The following ARHGAP20 variants were observed in gnomAD, a reference collection of about 807,000 sequenced individuals.
ARHGAP20 encodes the protein rho GTPase-activating protein 20.
Under a neutral mutation model 73.7 loss-of-function variants are expected in ARHGAP20, and 34 were observed. The ratio of observed to expected loss-of-function variants is 0.46; its 90% CI spans 0.35 to 0.61. The LOEUF (loss-of-function observed/expected upper bound fraction) is 0.61, where lower values mean the gene tolerates loss of function less well. Among genes scored for constraint, ARHGAP20 ranks in the 20% least tolerant of loss-of-function variants. ARHGAP20 has a pLI of 0.00. For missense variants in ARHGAP20, 1,314 were observed against 1,420.9 expected, an observed-to-expected ratio of 0.92 and a Z score of 1.21; for synonymous variants, 523 against 518.2, an observed-to-expected ratio of 1.01 and a Z score of -0.13.
chr11:110,616,486 G>A (rs1168769936), intron 4 of ARHGAP20, among the ~76,000 whole-genome samples: 1 of 152,072 alleles, frequency 6.6e-6, no homozygotes, highest in African/African-American at 2.4e-5. Flanking sequence ...TGATCACGCT[G>A]GCTCAGCCTT....
chr11:110,696,471 A>AT (rs80242488), intron 1 of ARHGAP20, among the ~76,000 whole-genome samples: 22,591 of 151,184 alleles, frequency 0.15, 1,786 homozygotes, highest in South Asian at 0.29. Flanking sequence ...TTTTTATCCC[A>AT]TTTTTTTTGG....
chr11:110,632,104 G>C (rs1948871372), intron 2 of ARHGAP20, among the ~76,000 whole-genome samples: 1 of 152,120 alleles, frequency 6.6e-6, no homozygotes, highest in African/African-American at 2.4e-5. Flanking sequence ...TACTTGGGCT[G>C]TTTCCAGTTT....
At chr11:110,661,624 TCC>T (rs972035384) in intron 2 of ARHGAP20, among the ~76,000 whole-genome samples, 3 of 152,154 alleles carry the variant, frequency 2.0e-5, no homozygotes, top group African/African-American at 7.2e-5. Flanking sequence ...ATCATGAATT[TCC>T]TGTTTTCATA....
chr11:110,617,265 CTTTTT>C (rs796278739), intron 4 of ARHGAP20, among the ~76,000 whole-genome samples: 1 of 143,638 alleles, frequency 7.0e-6, no homozygotes, highest in Non-Finnish European at 1.5e-5. Flanking sequence ...CTTTTTCTTT[CTTTTT>C]TTTTTTGAGA....
At chr11:110,632,184 CT>C (rs1320757580) in intron 2 of ARHGAP20, among the ~76,000 whole-genome samples, 1 of 152,044 alleles carries the variant, frequency 6.6e-6, no homozygotes, top group Non-Finnish European at 1.5e-5. Flanking sequence ...TTTCATTTCT[CT>C]TGGGTAAATA....
intron 2 of ARHGAP20, among the ~76,000 whole-genome samples, chr11:110,664,256 G>A (rs1949673634): frequency 6.6e-6 from 1 of 152,156 alleles, no homozygotes; most frequent in Admixed American, 6.5e-5. Context: ...GTTCACAGAT[G>A]ACATGGTAGT....
At chr11:110,701,353 T>C in intron 1 of ARHGAP20, among the ~76,000 whole-genome samples, 1 of 152,002 alleles carries the variant, frequency 6.6e-6, no homozygotes, top group East Asian at 1.9e-4. Flanking sequence ...TGAGCATTTT[T>C]TCATGTGTTT....
At chr11:110,619,492 T>TA (rs1948574277) in intron 4 of ARHGAP20, among the ~76,000 whole-genome samples, 1 of 151,670 alleles carries the variant, frequency 6.6e-6, no homozygotes, top group South Asian at 2.1e-4. Flanking sequence ...TATGCAGTGA[T>TA]AGAGTATATG....
chr11:110,636,457 A>G (rs1948970030), intron 2 of ARHGAP20, among the ~76,000 whole-genome samples: 1 of 152,156 alleles, frequency 6.6e-6, no homozygotes, highest in Non-Finnish European at 1.5e-5. Flanking sequence ...TACATTTTAA[A>G]GCAATTCCAA....
At chr11:110,651,448 T>A (rs1258300239) in intron 2 of ARHGAP20, among the ~76,000 whole-genome samples, 4 of 151,794 alleles carry the variant, frequency 2.6e-5, no homozygotes, top group Non-Finnish European at 1.5e-5. Flanking sequence ...TGTTTTTTTT[T>A]AAATTTAATG....
intron 13 of ARHGAP20, 149 bp from the exon 14 acceptor site, chr11:110,582,584 T>TA: frequency 3.4e-6 from 2 of 585,596 alleles, no homozygotes; most frequent in Admixed American, 3.2e-5. Context: ...ACAGTTTCCC[T>TA]AAAAAACTAT....
intron 9 of ARHGAP20, among the ~76,000 whole-genome samples, chr11:110,603,642 T>C (rs1045837111): frequency 6.6e-5 from 10 of 152,166 alleles, no homozygotes; most frequent in Admixed American, 6.5e-5. Context: ...AAAGGCGATT[T>C]CCATATCTCA....
chr11:110,586,216 C>T lies in ARHGAP20; in HGVS notation c.1415G>A (p.Arg472Lys). ...GACATGACCAAATTAGAATAATTAC[C>T]TTTGAACAGTATTTATTTTCTCTTC... ...NDEEKINTVQRLLDQLPRANV... is the reference protein window; with the variant it reads ...NDEEKINTVQKLLDQLPRANV... The change falls in exon 12 of 15, where the codon AGG (arginine) becomes AAG (lysine). Residue 472 changes from arginine (R) to lysine (K), a missense_variant and splice_region_variant. Around this residue, in one of 3 missense-constraint regions of ARHGAP20, gnomAD observed 230 missense variants for 317.6 expected, o/e 0.72. Coordinates refer to ENST00000683387, the MANE Select transcript of ARHGAP20 (RefSeq NM_001384657.1). 1 of 1,448,292 alleles carries T rather than the reference C, an allele frequency of 6.9e-7. No individual in the cohort carries two copies. The highest frequency in any genetic ancestry group is 9.3e-7 in the Non-Finnish European group (1 of 1,080,666). The allele number at this position is 1,448,292 out of a possible 1,614,324, so 89.7% of individuals were successfully genotyped here.
intron 2 of ARHGAP20, among the ~76,000 whole-genome samples, chr11:110,661,498 T>A (rs565060335): frequency 6.6e-6 from 1 of 152,196 alleles, no homozygotes; most frequent in East Asian, 1.9e-4. Context: ...AACCCTCTCA[T>A]CATTAACACA....
At chr11:110,648,564 A>C (rs1949279519) in intron 2 of ARHGAP20, among the ~76,000 whole-genome samples, 1 of 150,074 alleles carries the variant, frequency 6.7e-6, no homozygotes, top group African/African-American at 2.5e-5. Flanking sequence ...GGCCCACTGC[A>C]ACCTCCACCT....
chr11:110,601,640 GA>G (rs1467818701), intron 9 of ARHGAP20, among the ~76,000 whole-genome samples: 6 of 152,082 alleles, frequency 3.9e-5, no homozygotes, highest in Non-Finnish European at 7.4e-5. Context: ...TTAAAAAGTT[GA>G]AAAAAATTCA....
At chr11:110,619,434 G>A (rs567234382) in intron 4 of ARHGAP20, among the ~76,000 whole-genome samples, 45 of 151,952 alleles carry the variant, frequency 3.0e-4, no homozygotes, top group Middle Eastern at 3.4e-3. Flanking sequence ...TAGAGTATAT[G>A]CAGTGATAGA....
intron 3 of ARHGAP20, among the ~76,000 whole-genome samples, chr11:110,625,828 C>T (rs1948731931): frequency 6.6e-6 from 1 of 152,104 alleles, no homozygotes; most frequent in Admixed American, 6.6e-5. Context: ...CATTCAGACC[C>T]ATTTGTGTAA....
At chr11:110,634,277 G>A (rs571304353) in intron 2 of ARHGAP20, among the ~76,000 whole-genome samples, 130 of 152,138 alleles carry the variant, frequency 8.5e-4, no homozygotes, top group South Asian at 6.7e-3. Context: ...CAAAACTCTT[G>A]TTGTTTTTTT....
Sources: allele counts gnomAD v4.1 joint callset (sites outside exome capture counted in the v4.1 genomes callset), GRCh38; gene constraint gnomAD v4.1.1; regional missense constraint gnomAD v4.1.1; transcripts MANE v1.5; gene names NCBI Gene and HGNC (gene_info 2026-07-23, HGNC 2026-07-21).